ZNF43: variants seen among roughly 807,000 people sequenced by gnomAD.
ZNF43 encodes zinc finger protein 39-like 1 (KOX 27).
Under a neutral mutation model 68.4 loss-of-function variants are expected in ZNF43, and 44 were observed. The ratio of observed to expected loss-of-function variants is 0.64; its 90% confidence interval spans 0.51 to 0.83. The LOEUF (loss-of-function observed/expected upper bound fraction) is 0.83. ZNF43 is among the 40% of genes least tolerant of loss of function. The pLI is 0.00. For synonymous variants in ZNF43, 308 were observed against 307.8 expected (o/e 1.00, Z -0.01); for missense variants, 896 against 933.2 (o/e 0.96, Z 0.52).
intron 1 of ZNF43, among the ~76,000 whole-genome samples, chr19:21,848,382 C>T (rs1317073100): frequency 6.6e-6 from 1 of 151,708 alleles, no homozygotes; most frequent in African/African-American, 2.4e-5. Context: ...CTGACCTTAA[C>T]TGATCCACTC....
rs143823542 is a variant in ZNF43 at position 21,812,373 on chromosome 19, C to G, written c.230-2566G>C. On this transcript the variant is annotated intron_variant, in intron 3 of 3. Coordinates refer to ENST00000354959, the MANE Select transcript of ZNF43 (RefSeq NM_003423.4). ...TCGTGATCCGCCCGCCTCAGCCTCC[C>G]AAAGTGCTGGGATTATAGGCGTAAG... Among the ~76,000 whole-genome samples, 693 of 152,292 alleles carry G rather than the reference C, an allele frequency of 4.6e-3. 5 individuals carry two copies. Among genetic ancestry groups the G allele is most frequent in the African/African-American group, 0.016 (663 of 41,562 alleles).
At chr19:21,835,652 G>T (rs1485564301) in intron 1 of ZNF43, among the ~76,000 whole-genome samples, 1 of 152,044 alleles carries the variant, frequency 6.6e-6, no homozygotes, top group Admixed American at 6.6e-5. Context: ...ACCGCGCCCG[G>T]CCGACTCTCC....
intron 3 of ZNF43, chr19:21,811,967 C>T (rs1172416708): frequency 2.5e-6 from 1 of 397,484 alleles, no homozygotes; most frequent in African/African-American, 2.1e-5. Flanking sequence ...AATGCATGAA[C>T]AGCAAAGAAA....
At chr19:21,836,341 A>T (rs2038738958), upstream of ZNF43, 3 of 1,045,466 alleles carry the variant, frequency 2.9e-6, no homozygotes, top group South Asian at 4.7e-5. Context: ...GAAAGAAGAA[A>T]GAATGACAGC....
intron 1 of ZNF43, among the ~76,000 whole-genome samples, chr19:21,821,213 T>C (rs563296883): frequency 2.5e-4 from 37 of 147,216 alleles, no homozygotes; most frequent in Admixed American, 1.5e-3. Flanking sequence ...GGCGCGAATC[T>C]CCGCTCACTG....
chr19:21,821,350 C>T (rs2037835780), intron 1 of ZNF43, among the ~76,000 whole-genome samples: 1 of 151,848 alleles, frequency 6.6e-6, no homozygotes, highest in Admixed American at 6.6e-5. Flanking sequence ...GGGGTTTCAC[C>T]GTGTTACCGC....
chr19:21,828,688 G>A (rs2038259250), intron 1 of ZNF43, among the ~76,000 whole-genome samples: 1 of 150,828 alleles, frequency 6.6e-6, no homozygotes, highest in South Asian at 2.1e-4. Flanking sequence ...TTGTACTCCA[G>A]CCTGGGCAAC....
chr19:21,815,242 TG>T (rs1335425872), intron 3 of ZNF43, among the ~76,000 whole-genome samples: 3 of 152,050 alleles, frequency 2.0e-5, no homozygotes, highest in East Asian at 3.9e-4. Context: ...AAGAAGAATT[TG>T]TTTAGATAAC....
chr19:21,839,831 T>C (rs962410045), upstream of ZNF43: 6 of 152,322 alleles, frequency 3.9e-5, no homozygotes, highest in South Asian at 2.1e-4. Context: ...CCAAACAATA[T>C]GTCACAATGC....
rs2036979585 is a variant in ZNF43 at position 21,807,184 on chromosome 19, T to G, written c.*423A>C. ...TTGAGCAACTGCTTCAGGGTTTTCTTTAGTACAAAATGTGTACAATAAGAT... is the reference window on the plus strand; with the variant it reads ...TTGAGCAACTGCTTCAGGGTTTTCTGTAGTACAAAATGTGTACAATAAGAT... On this transcript the variant is annotated 3_prime_UTR_variant, in exon 4 of 4. Coordinates refer to ENST00000354959, the MANE Select transcript of ZNF43 (RefSeq NM_003423.4). The G allele has an allele frequency of 6.5e-6, 1 of 153,412 alleles. No individual in the cohort carries two copies. The highest frequency in any genetic ancestry group is 1.5e-5 in the Non-Finnish European group (1 of 68,904). The allele number at this position is 153,412 out of a possible 1,614,324, so 9.5% of individuals were successfully genotyped here.
intron 1 of ZNF43, among the ~76,000 whole-genome samples, chr19:21,833,869 A>T (rs2038549114): frequency 6.6e-6 from 1 of 151,864 alleles, no homozygotes; most frequent in Non-Finnish European, 1.5e-5. Context: ...CTCTACTAAA[A>T]ATGCAAAATT....
chr19:21,835,357 T>G lies in ZNF43; in HGVS notation c.3+679A>C, dbSNP rs566954594. ...GAAATAAAGGAAAATCTAGTTTAGTTTTTTTTTTTTTTTTTTTCCAGAGGG... is the reference window on the plus strand; with the variant it reads ...GAAATAAAGGAAAATCTAGTTTAGTGTTTTTTTTTTTTTTTTTCCAGAGGG... On this transcript the variant is annotated intron_variant, in intron 1 of 3. Coordinates refer to ENST00000354959, the MANE Select transcript of ZNF43 (RefSeq NM_003423.4). 5.5e-4 allele frequency among the ~76,000 whole-genome samples: 68 copies of G among 124,596 alleles called. 2 individuals carry two copies. In the East Asian group the frequency reaches 0.011, roughly 21 times the overall value. 81.7% of individuals were successfully genotyped at this position (124,596 alleles called of 152,430 possible).
At chr19:21,849,044 T>G (rs1290468641) in intron 1 of ZNF43, among the ~76,000 whole-genome samples, 1 of 152,178 alleles carries the variant, frequency 6.6e-6, no homozygotes, top group African/African-American at 2.4e-5. Flanking sequence ...GTGCATGAGA[T>G]TCAGGACCTC....
intron 1 of ZNF43, among the ~76,000 whole-genome samples, chr19:21,849,306 C>A (rs1183930392): frequency 6.6e-6 from 1 of 150,664 alleles, no homozygotes; most frequent in African/African-American, 2.4e-5. Flanking sequence ...CTGACCAACA[C>A]TGAGAAACCC....
At chr19:21,842,684 G>A (rs1967626387) in intron 1 of ZNF43, among the ~76,000 whole-genome samples, 1 of 152,186 alleles carries the variant, frequency 6.6e-6, no homozygotes, top group Non-Finnish European at 1.5e-5. Flanking sequence ...GGGCAAGACT[G>A]AGGCATGGAA....
At chr19:21,820,123 C>T (rs2037725257) in intron 1 of ZNF43, among the ~76,000 whole-genome samples, 1 of 131,812 alleles carries the variant, frequency 7.6e-6, no homozygotes, top group Non-Finnish European at 1.6e-5. Flanking sequence ...CGCTTGAACC[C>T]GAGAGGTGGA....
At position 21,809,223 on chromosome 19, in the gene ZNF43, T is replaced by C. The variant is rs373224577; in HGVS notation, c.814A>G (p.Ile272Val). 12 of 1,613,694 alleles carry C rather than the reference T, an allele frequency of 7.4e-6. No homozygotes were observed. Among genetic ancestry groups the C allele is most frequent in the Middle Eastern group, 1.7e-4 (1 of 6,054 alleles). Residue 272 changes from isoleucine (I) to valine (V), a missense_variant, in exon 4 of 4, where the codon ATC becomes GTC. By Grantham distance (29) the Ile-to-Val change is conservative. Transcript: ENST00000354959. ...ECGKAFNKSSILTTHKIIRTG... is the reference protein window; with the variant it reads ...ECGKAFNKSSVLTTHKIIRTG... ...CGAATTATCTTATGGGTAGTAAGGA[T>C]TGAGGACTTGTTAAAAGCTTTGCCA...
At chr19:21,825,272 C>T (rs1209528597) in intron 1 of ZNF43, among the ~76,000 whole-genome samples, 2 of 151,942 alleles carry the variant, frequency 1.3e-5, no homozygotes, top group African/African-American at 2.4e-5. Flanking sequence ...AAAAAGTTGT[C>T]AGGAAGTCTT....
rs2036959485 is a variant in ZNF43, at chr19:21,806,703, A to T, written c.*904T>A. 6.6e-6 allele frequency: 1 copy of T among 152,210 alleles called. No individual in the cohort carries two copies. Among genetic ancestry groups the T allele is most frequent in the Non-Finnish European group, 1.5e-5 (1 of 68,038 alleles). 9.4% of individuals were successfully genotyped at this position (152,210 alleles called of 1,614,324 possible). A position where few individuals can be genotyped will look rare whatever the true frequency, so the allele number is the denominator to read the frequency against. Reference sequence around the variant, plus strand: ...AAAAGTATACTTTAATTGTAATTATAACTGAAAATCTTCTACTTCTTTTAA... The same window carrying T: ...AAAAGTATACTTTAATTGTAATTATTACTGAAAATCTTCTACTTCTTTTAA... On this transcript the variant is annotated 3_prime_UTR_variant, in exon 4 of 4. Transcript: ENST00000354959.
Sources: gnomAD v4.1 joint callset for allele counts (sites outside exome capture counted in the v4.1 genomes callset) on GRCh38, gnomAD v4.1.1 for gene constraint, MANE v1.5 for transcripts, NCBI Gene and HGNC (gene_info 2026-07-23, HGNC 2026-07-21) for gene names.